RBFOX1: variants seen among roughly 807,000 people sequenced by gnomAD.
RBFOX1 encodes RNA binding protein fox-1 homolog 1.
RBFOX1 carries 8 observed loss-of-function variants against 57.7 expected under a neutral mutation model. The ratio of observed to expected loss-of-function variants is 0.14; its 90% confidence interval spans 0.08 to 0.25. The LOEUF is 0.25. Ranked by LOEUF, RBFOX1 falls within the 10% of genes least tolerant of loss-of-function variation. The pLI, the probability that RBFOX1 is intolerant of heterozygous loss-of-function variation, is 1.00. For missense variants in RBFOX1, 611 were observed against 548.5 expected (o/e 1.11, Z -1.14); for synonymous variants, 326 against 222.4 (o/e 1.47, Z -4.15).
At chr16:5,777,037 G>A (rs2054170928) in intron 3 of RBFOX1, among the ~76,000 whole-genome samples, 1 of 152,202 alleles carries the variant, frequency 6.6e-6, no homozygotes, top group Non-Finnish European at 1.5e-5. Context: ...GCTGCAAACT[G>A]CCTGCTGGCT....
At chr16:6,598,701 A>C (rs764377202) in intron 2 of RBFOX1, among the ~76,000 whole-genome samples, 1 of 152,122 alleles carries the variant, frequency 6.6e-6, no homozygotes, top group African/African-American at 2.4e-5. Flanking sequence ...TAATCTCAGC[A>C]CTTTGGGTGG....
Position 6,834,651 on chromosome 16 carries a change from A to G in RBFOX1, c.-16+180001A>G, listed in dbSNP as rs572652036. ...GGGTAGACAGATTGTTGTTACTCAT[A>G]AATGTCAAAATAAGAATTATAAAAT... On this transcript the variant is annotated intron_variant, in intron 3 of 15. Transcript: ENST00000550418. 1.4e-3 allele frequency among the ~76,000 whole-genome samples: 206 copies of G among 152,310 alleles called. 5 individuals carry two copies. The South Asian group carries it at 0.041, about 31-fold the overall frequency.
intron 4 of RBFOX1, among the ~76,000 whole-genome samples, chr16:7,248,492 C>G (rs2094394374): frequency 6.6e-6 from 1 of 152,166 alleles, no homozygotes; most frequent in African/African-American, 2.4e-5. Flanking sequence ...CTTACACTTG[C>G]TGGCTTAGCT....
At chr16:5,704,626 C>T (rs1268273292) in intron 3 of RBFOX1, among the ~76,000 whole-genome samples, 1 of 152,166 alleles carries the variant, frequency 6.6e-6, no homozygotes, top group African/African-American at 2.4e-5. Context: ...CTTTAATGCA[C>T]CGGATCTCAA....
intron 3 of RBFOX1, among the ~76,000 whole-genome samples, chr16:6,734,186 A>T (rs144255755): frequency 6.6e-6 from 1 of 152,252 alleles, no homozygotes; most frequent in Non-Finnish European, 1.5e-5. Flanking sequence ...ATTTCAGCCC[A>T]CATCCGTGCA....
At chr16:6,347,899 C>G (rs1485353539) in intron 2 of RBFOX1, among the ~76,000 whole-genome samples, 1 of 152,194 alleles carries the variant, frequency 6.6e-6, no homozygotes, top group East Asian at 1.9e-4. Context: ...AGCTCATTTG[C>G]TCATGCAGAT....
intron 4 of RBFOX1, among the ~76,000 whole-genome samples, chr16:7,461,435 G>C (rs932116843): frequency 3.3e-5 from 5 of 152,106 alleles, no homozygotes; most frequent in African/African-American, 1.2e-4. Flanking sequence ...CAAAGTGCTG[G>C]GATTACAGGC....
At chr16:6,618,369 C>G (rs562159412) in intron 2 of RBFOX1, among the ~76,000 whole-genome samples, 3 of 152,226 alleles carry the variant, frequency 2.0e-5, no homozygotes, top group Non-Finnish European at 2.9e-5. Flanking sequence ...ATTCAGTATG[C>G]CAAATAACCA....
At chr16:6,434,810 A>T (rs1447353669) in intron 2 of RBFOX1, among the ~76,000 whole-genome samples, 5 of 152,182 alleles carry the variant, frequency 3.3e-5, no homozygotes, top group African/African-American at 4.8e-5. Flanking sequence ...TTTCCAATGT[A>T]TTCTTCTCTT....
chr16:7,683,436 A>C (rs2075362268), intron 14 of RBFOX1, among the ~76,000 whole-genome samples: 1 of 152,054 alleles, frequency 6.6e-6, no homozygotes, highest in Non-Finnish European at 1.5e-5. Context: ...AACAACTGTT[A>C]TGCACTATTG....
intron 3 of RBFOX1, among the ~76,000 whole-genome samples, chr16:6,969,933 A>G (rs1346704520): frequency 1.3e-5 from 2 of 152,112 alleles, no homozygotes; most frequent in South Asian, 2.1e-4. Flanking sequence ...GATTTCCCAC[A>G]TACAGAAATG....
Position 6,757,138 on chromosome 16 carries a change from A to G in RBFOX1, c.-16+102488A>G, listed in dbSNP as rs199581372. The stretch of plus-strand genomic sequence containing the variant: ...AATTAGAACGACTATTATCAAAAAG[A>G]TAAAAAATAAATGCTAGCAAGGATG... On this transcript the variant is annotated intron_variant, in intron 3 of 15. Transcript: ENST00000550418. 1.9e-4 allele frequency among the ~76,000 whole-genome samples: 29 copies of G among 152,336 alleles called. 1 individual carries two copies. In the East Asian group the frequency reaches 5.0e-3, roughly 26 times the overall value.
intron 3 of RBFOX1, among the ~76,000 whole-genome samples, chr16:6,891,063 C>T (rs956255986): frequency 2.0e-5 from 3 of 152,162 alleles, no homozygotes; most frequent in Non-Finnish European, 4.4e-5. Flanking sequence ...TTCCCCGTCC[C>T]TTCACAATTG....
intron 1 of RBFOX1, among the ~76,000 whole-genome samples, chr16:6,194,835 T>A (rs1006728026): frequency 2.6e-5 from 4 of 152,360 alleles, no homozygotes; most frequent in African/African-American, 9.6e-5. Context: ...TATGTTTATC[T>A]CTATCCTTAG....
intron 3 of RBFOX1, among the ~76,000 whole-genome samples, chr16:5,741,379 T>G (rs981819465): frequency 3.3e-5 from 5 of 152,128 alleles, no homozygotes; most frequent in Non-Finnish European, 7.4e-5. Context: ...TGCTAATTAC[T>G]TTTTTTCCCA....
intron 1 of RBFOX1, among the ~76,000 whole-genome samples, chr16:6,106,139 C>G (rs529258895): frequency 6.6e-6 from 1 of 152,120 alleles, no homozygotes; most frequent in Non-Finnish European, 1.5e-5. Flanking sequence ...TTGAAATTGT[C>G]TGTATTGACT....
chr16:5,289,224 C>G, intron 1 of RBFOX1: 1 of 355,146 alleles, frequency 2.8e-6, no homozygotes, highest in Non-Finnish European at 5.5e-6. Flanking sequence ...TCATTCTGGG[C>G]TGACTGGGCA....
At chr16:7,679,271 T>C (rs1220635920) in intron 14 of RBFOX1, among the ~76,000 whole-genome samples, 1 of 152,222 alleles carries the variant, frequency 6.6e-6, no homozygotes, top group Non-Finnish European at 1.5e-5. Flanking sequence ...AGCTTTTGAA[T>C]CTAGATTAAA....
intron 4 of RBFOX1, among the ~76,000 whole-genome samples, chr16:7,393,876 A>G (rs982878750): frequency 6.6e-6 from 1 of 152,112 alleles, no homozygotes; most frequent in African/African-American, 2.4e-5. Context: ...GTTAGCTGCA[A>G]ACACCCACGT....
Sources: allele counts gnomAD v4.1 joint callset (sites outside exome capture counted in the v4.1 genomes callset), GRCh38; gene constraint gnomAD v4.1.1; transcripts MANE v1.5; gene names NCBI Gene and HGNC (gene_info 2026-07-23, HGNC 2026-07-21).